PLD5: variants seen among roughly 807,000 people sequenced by gnomAD.
PLD5 encodes phospholipase D family member 5.
PLD5 carries 36 observed loss-of-function variants against 61.1 expected under a neutral mutation model. That is an observed-to-expected ratio of 0.59 (90% CI 0.45 to 0.78). The LOEUF (loss-of-function observed/expected upper bound fraction) is 0.78, where lower values mean the gene tolerates loss of function less well. Among genes scored for constraint, PLD5 ranks in the 30% least tolerant of loss-of-function variants. The pLI, the probability that PLD5 is intolerant of heterozygous loss-of-function variation, is 0.00. For synonymous variants in PLD5, 243 were observed against 242.8 expected (o/e 1.00, Z -0.01); for missense variants, 515 against 644.4 (o/e 0.80, Z 2.17).
At chr1:242,366,887 C>G (rs184310106) in intron 1 of PLD5, among the ~76,000 whole-genome samples, 1 of 151,630 alleles carries the variant, frequency 6.6e-6, no homozygotes, top group Non-Finnish European at 1.5e-5. Flanking sequence ...GTTTTACAAC[C>G]CTGGTTATTT....
chr1:242,264,238 C>G (rs1030786143), intron 4 of PLD5, among the ~76,000 whole-genome samples: 2 of 152,158 alleles, frequency 1.3e-5, no homozygotes, highest in Non-Finnish European at 2.9e-5. Flanking sequence ...ATCCACTGAA[C>G]TGGGCACTTA....
chr1:242,485,035 A>AATTAGG (rs1413615287), intron 1 of PLD5, among the ~76,000 whole-genome samples: 1 of 152,152 alleles, frequency 6.6e-6, no homozygotes, highest in Non-Finnish European at 1.5e-5. Context: ...ACTCTCAATA[A>AATTAGG]ATTAGGTATT....
intron 3 of PLD5, among the ~76,000 whole-genome samples, chr1:242,272,432 T>C (rs1378182750): frequency 6.6e-6 from 1 of 152,120 alleles, no homozygotes; most frequent in African/African-American, 2.4e-5. Flanking sequence ...ACTCTATATA[T>C]CAAATCCCCT....
intron 1 of PLD5, among the ~76,000 whole-genome samples, chr1:242,472,068 T>G (rs1667463820): frequency 6.6e-6 from 1 of 152,190 alleles, no homozygotes; most frequent in Non-Finnish European, 1.5e-5. Flanking sequence ...TGCAAAAATA[T>G]CTAAGCACAT....
At chr1:242,365,009 T>A (rs1198802240) in intron 1 of PLD5, among the ~76,000 whole-genome samples, 1 of 151,150 alleles carries the variant, frequency 6.6e-6, no homozygotes, top group Non-Finnish European at 1.5e-5. Context: ...ATTCCAAATA[T>A]CTCTATGAGA....
intron 2 of PLD5, among the ~76,000 whole-genome samples, chr1:242,345,107 AC>A (rs894643259): frequency 1.3e-5 from 2 of 152,130 alleles, no homozygotes; most frequent in Middle Eastern, 3.2e-3. Flanking sequence ...TCCGGGAGAT[AC>A]AATACAAGTT....
rs982984908 is a variant in PLD5, at chr1:242,256,541, A to G, written c.607+8796T>C. Among the ~76,000 whole-genome samples, 8 of 152,150 alleles carry G rather than the reference A, an allele frequency of 5.3e-5. No homozygotes were observed. The highest frequency in any genetic ancestry group is 1.3e-4 in the Admixed American group (2 of 15,282). The stretch of plus-strand genomic sequence containing the variant: ...TTTGTGCCCTTCTGTCTTATCCGCC[A>G]CGTGAGGACACAGCGTTTGTTCCCT... On this transcript the variant is annotated intron_variant, in intron 4 of 9. Transcript: ENST00000536534. This position sits in a 1 kb window ranked among gnomAD's most constrained non-coding sequence, Gnocchi z 5.7.
At chr1:242,398,036 CTT>C (rs1663698973) in intron 1 of PLD5, among the ~76,000 whole-genome samples, 1 of 152,116 alleles carries the variant, frequency 6.6e-6, no homozygotes, top group Non-Finnish European at 1.5e-5. Flanking sequence ...TTCGAAGTGT[CTT>C]TTCCAAACTA....
rs557666610 is a variant in PLD5, at chr1:242,475,101, A to G, written c.189+48987T>C. The stretch of plus-strand genomic sequence containing the variant: ...GCCTCTAAGCAAGCAGAGGCCAGCT[A>G]TCTATCTCCCCTTGGTGTCAAATAA... On this transcript the variant is annotated intron_variant, in intron 1 of 9. Transcript: ENST00000536534. Among the ~76,000 whole-genome samples, 5 of 152,356 alleles carry G rather than the reference A, an allele frequency of 3.3e-5. No individual in the cohort carries two copies. In the South Asian group the frequency reaches 1.0e-3, roughly 32 times the overall value.
At chr1:242,454,248 G>A (rs1021228652) in intron 1 of PLD5, among the ~76,000 whole-genome samples, 2 of 151,256 alleles carry the variant, frequency 1.3e-5, no homozygotes, top group East Asian at 1.9e-4. Flanking sequence ...CAGGAGAATC[G>A]CTTGAACCTG....
intron 1 of PLD5, among the ~76,000 whole-genome samples, chr1:242,446,019 A>T (rs942241172): frequency 1.3e-5 from 2 of 151,846 alleles, no homozygotes; most frequent in African/African-American, 4.8e-5. Flanking sequence ...CAAATATATT[A>T]ATGTAATCTT....
intron 2 of PLD5, among the ~76,000 whole-genome samples, chr1:242,333,899 T>C (rs971694382): frequency 6.6e-5 from 10 of 152,180 alleles, no homozygotes; most frequent in Admixed American, 6.5e-5. Context: ...TACCCATCCA[T>C]TGATGAGAAC....
intron 1 of PLD5, among the ~76,000 whole-genome samples, chr1:242,388,782 C>T (rs1662746915): frequency 6.6e-6 from 1 of 151,924 alleles, no homozygotes; most frequent in African/African-American, 2.4e-5. Flanking sequence ...TGGTGAAACC[C>T]CGTTTCTACT....
chr1:242,254,771 C>T (rs550963720), intron 4 of PLD5, among the ~76,000 whole-genome samples: 5 of 152,282 alleles, frequency 3.3e-5, no homozygotes, highest in South Asian at 4.1e-4. Flanking sequence ...AGCACAAGGT[C>T]GGGGCCACAA....
intron 2 of PLD5, among the ~76,000 whole-genome samples, chr1:242,334,358 G>T (rs59832064): frequency 1.4e-4 from 21 of 152,132 alleles, no homozygotes; most frequent in Non-Finnish European, 2.9e-5. Flanking sequence ...AAATAAAGGT[G>T]GGTATGCATC....
intron 5 of PLD5, among the ~76,000 whole-genome samples, chr1:242,218,528 G>A (rs1670360398): frequency 1.3e-5 from 2 of 152,204 alleles, no homozygotes; most frequent in Admixed American, 6.5e-5. Flanking sequence ...AGCAAGAGTA[G>A]TTGGCATCCT....
At chr1:242,371,019 C>A (rs1661602701) in intron 1 of PLD5, among the ~76,000 whole-genome samples, 1 of 152,104 alleles carries the variant, frequency 6.6e-6, no homozygotes, top group Non-Finnish European at 1.5e-5. Context: ...CTGTTCACTG[C>A]AAAGGTTGGT....
chr1:242,380,953 A>C (rs1662241925), intron 1 of PLD5, among the ~76,000 whole-genome samples: 1 of 152,182 alleles, frequency 6.6e-6, no homozygotes, highest in African/African-American at 2.4e-5. Flanking sequence ...GTTGATGGGA[A>C]TATAAATTAG....
At chr1:242,330,634 A>C (rs1034908887) in intron 2 of PLD5, among the ~76,000 whole-genome samples, 4 of 152,186 alleles carry the variant, frequency 2.6e-5, no homozygotes, top group Non-Finnish European at 5.9e-5. Context: ...GTCTTCACAC[A>C]AAGTAGACCT....
Sources: allele counts gnomAD v4.1 joint callset (sites outside exome capture counted in the v4.1 genomes callset), GRCh38; gene constraint gnomAD v4.1.1; non-coding constraint Gnocchi (gnomAD v3.1); transcripts MANE v1.5; gene names NCBI Gene and HGNC (gene_info 2026-07-23, HGNC 2026-07-21).